The following GARIN1A variants were observed in gnomAD, a reference collection of about 807,000 sequenced individuals.
The protein encoded by GARIN1A is Golgi-associated RAB2 interactor protein 1A.
chr7:128,692,740 G>C, the GARIN1A span, among the ~76,000 whole-genome samples: 1 of 152,196 alleles, frequency 6.6e-6, no homozygotes, highest in Non-Finnish European at 1.5e-5. Context: ...GGGTTAATTA[G>C]GGCTTTACTG....
At chr7:128,699,375 C>A in the GARIN1A span, among the ~76,000 whole-genome samples, 4 of 149,650 alleles carry the variant, frequency 2.7e-5, no homozygotes, top group African/African-American at 4.9e-5. Context: ...AGTTCTGTAA[C>A]CTTCTAAGGT....
chr7:128,699,670 CTTAAAA>C, the GARIN1A span, among the ~76,000 whole-genome samples: 5 of 152,154 alleles, frequency 3.3e-5, no homozygotes, highest in South Asian at 2.1e-4. Context: ...TCCCTATGTA[CTTAAAA>C]TTAAAGCATA....
At chr7:128,698,376 G>A in the GARIN1A span, among the ~76,000 whole-genome samples, 3 of 151,990 alleles carry the variant, frequency 2.0e-5, no homozygotes, top group Admixed American at 1.3e-4. Context: ...TCAGGTCAGC[G>A]AGTCCTGGGC....
At chr7:128,689,037 G>T in the GARIN1A span, among the ~76,000 whole-genome samples, 1 of 151,762 alleles carries the variant, frequency 6.6e-6, no homozygotes, top group African/African-American at 2.4e-5. Flanking sequence ...TCCTAACCTC[G>T]AGTGATCCGC....
At chr7:128,689,772 G>A in the GARIN1A span, among the ~76,000 whole-genome samples, 4 of 110,680 alleles carry the variant, frequency 3.6e-5, no homozygotes, top group African/African-American at 6.3e-5. Flanking sequence ...CAGCCACCCC[G>A]TCCGGGAGGG....
At chr7:128,676,349 C>A in the GARIN1A span, among the ~76,000 whole-genome samples, 1 of 151,790 alleles carries the variant, frequency 6.6e-6, no homozygotes, top group Non-Finnish European at 1.5e-5. Flanking sequence ...CACTGTGCTT[C>A]GTGCTGGGAT....
chr7:128,697,523 G>A, the GARIN1A span: 1 of 150,542 alleles, frequency 6.6e-6, no homozygotes, highest in Non-Finnish European at 1.5e-5. Context: ...TACTTGGATG[G>A]GAGATCGCCT....
At chr7:128,700,220 A>T in the GARIN1A span, among the ~76,000 whole-genome samples, 1 of 150,502 alleles carries the variant, frequency 6.6e-6, no homozygotes, top group Admixed American at 6.6e-5. Context: ...TGTAATCTTC[A>T]ATTATTCTTG....
At chr7:128,672,655 G>C in the GARIN1A span, 40 of 576,972 alleles carry the variant, frequency 6.9e-5, 5 homozygotes, top group African/African-American at 6.4e-4. Flanking sequence ...GGGGAGGGGG[G>C]GGCGGGGGGA....
chr7:128,698,772 C>T, the GARIN1A span, among the ~76,000 whole-genome samples: 1 of 152,020 alleles, frequency 6.6e-6, no homozygotes, highest in African/African-American at 2.4e-5. Context: ...TTGGTAGAGA[C>T]GGGGTTTTGC....
chr7:128,683,763 C>G, the GARIN1A span: 1 of 152,438 alleles, frequency 6.6e-6, no homozygotes, highest in South Asian at 2.1e-4. Flanking sequence ...CCACCAGGCC[C>G]AGCCTCGAGT....
At chr7:128,686,762 G>A in the GARIN1A span, 1 of 152,200 alleles carries the variant, frequency 6.6e-6, no homozygotes, top group Non-Finnish European at 1.5e-5. Context: ...TGTAGTCCCA[G>A]CTACTCAGGA....
the GARIN1A span, chr7:128,677,570 C>G: frequency 6.2e-7 from 1 of 1,603,878 alleles, no homozygotes; most frequent in East Asian, 2.2e-5. Context: ...CCAGGCTTCT[C>G]CCCCTGAAGT....
At chr7:128,707,193 CTATTAT>C in the GARIN1A span, among the ~76,000 whole-genome samples, 1 of 144,280 alleles carries the variant, frequency 6.9e-6, no homozygotes, top group Non-Finnish European at 1.5e-5. Flanking sequence ...TCCTTCTGCC[CTATTAT>C]TATTATTATT....
the GARIN1A span, among the ~76,000 whole-genome samples, chr7:128,700,368 C>A: frequency 1.3e-5 from 2 of 151,628 alleles, no homozygotes; most frequent in African/African-American, 2.4e-5. Context: ...GCAACCTGTG[C>A]CACCAGGGTT....
At chr7:128,677,573 C>T in the GARIN1A span, 1 of 1,606,652 alleles carries the variant, frequency 6.2e-7, no homozygotes, top group Non-Finnish European at 8.5e-7. Flanking sequence ...GGCTTCTCCC[C>T]CTGAAGTACG....
the GARIN1A span, chr7:128,675,672 C>T: frequency 6.2e-7 from 1 of 1,613,352 alleles, no homozygotes; most frequent in Non-Finnish European, 8.5e-7. Context: ...GGCTGATTTC[C>T]AGGTCACTAA....
chr7:128,708,397 G>A, the GARIN1A span, among the ~76,000 whole-genome samples: 3 of 152,054 alleles, frequency 2.0e-5, no homozygotes, highest in African/African-American at 7.3e-5. Context: ...ATTTGGAGGT[G>A]TATCCTATTC....
the GARIN1A span, among the ~76,000 whole-genome samples, chr7:128,708,440 A>G: frequency 6.6e-6 from 1 of 152,112 alleles, no homozygotes; most frequent in Non-Finnish European, 1.5e-5. Flanking sequence ...ATCAGCCTGA[A>G]GAACTGAACA....
Sources: gnomAD v4.1 joint callset for allele counts (sites outside exome capture counted in the v4.1 genomes callset) on GRCh38, gnomAD v4.1.1 for gene constraint, MANE v1.5 for transcripts, NCBI Gene and HGNC (gene_info 2026-07-23, HGNC 2026-07-21) for gene names.